MPP7: variants seen among roughly 807,000 people sequenced by gnomAD.
MPP7 encodes MAGUK p55 scaffold protein 7, also known as MAGUK p55 subfamily member 7.
MPP7 carries 60 observed loss-of-function variants against 76.5 expected under a neutral mutation model. The observed-to-expected ratio is 0.78, with a 90% CI of 0.64 to 0.97. MPP7 has a LOEUF of 0.97. Among genes scored for constraint, MPP7 ranks in the 50% least tolerant of loss-of-function variants. The pLI is 0.00. For synonymous variants in MPP7, 237 were observed against 244.5 expected, an observed-to-expected ratio of 0.97 and a Z score of 0.29; for missense variants, 641 against 694.0, an observed-to-expected ratio of 0.92 and a Z score of 0.86.
At chr10:28,279,078 T>G (rs983590459) in intron 1 of MPP7, among the ~76,000 whole-genome samples, 2 of 152,028 alleles carry the variant, frequency 1.3e-5, no homozygotes, top group Non-Finnish European at 2.9e-5. Context: ...GAAATAGAAA[T>G]GGCATAATTA....
At position 28,279,027 on chromosome 10, in the gene MPP7, A is replaced by G. The variant is rs146711983; in HGVS notation, c.-132+23834T>C. On this transcript the variant is annotated intron_variant, in intron 1 of 16. Transcript: ENST00000683449. ...AATAACTCCAGGGTGAACAGGGTGA[A>G]GCAAGCAGTCAATCTCTATTTTGGA... Among the ~76,000 whole-genome samples the G allele has an allele frequency of 8.9e-4, 135 of 152,200 alleles. 1 individual carries two copies. Among genetic ancestry groups the G allele is most frequent in the African/African-American group, 3.0e-3 (125 of 41,448 alleles).
At chr10:28,110,635 A>G (rs1834477491) in intron 11 of MPP7, among the ~76,000 whole-genome samples, 1 of 152,198 alleles carries the variant, frequency 6.6e-6, no homozygotes, top group East Asian at 1.9e-4. Flanking sequence ...TAAAGTAAGC[A>G]ATGTGCTAGT....
intron 3 of MPP7, among the ~76,000 whole-genome samples, chr10:28,174,950 G>C (rs962287638): frequency 1.3e-5 from 2 of 152,192 alleles, no homozygotes; most frequent in African/African-American, 4.8e-5. Context: ...TTGAGCAAGA[G>C]AAGAAAGACA....
chr10:28,294,962 C>T (rs776836294), intron 1 of MPP7, among the ~76,000 whole-genome samples: 21 of 135,712 alleles, frequency 1.5e-4, no homozygotes, highest in Non-Finnish European at 3.1e-4. Flanking sequence ...ACTACACTTA[C>T]GTTTCCCCCT....
chr10:28,314,461 G>C (rs1196688975), intron 2 of MPP7, among the ~76,000 whole-genome samples: 1 of 152,232 alleles, frequency 6.6e-6, no homozygotes, highest in African/African-American at 2.4e-5. Flanking sequence ...CCGCCTCCTG[G>C]AGTGGGCTTG....
rs533408577 is a variant in MPP7 at position 28,097,270 on chromosome 10, C to T, written c.953-7429G>A. ...GTACTAGGTTTACAGGCATGAGCCA[C>T]CATACCTCGCCTTTCATTCTCTTTT... On this transcript the variant is annotated intron_variant, in intron 11 of 16. Transcript: ENST00000683449. Among the ~76,000 whole-genome samples the T allele has an allele frequency of 3.9e-4, 60 of 152,276 alleles. 1 individual carries two copies. Among genetic ancestry groups the T allele is most frequent in the Non-Finnish European group, 2.9e-4 (20 of 68,022 alleles).
chr10:28,254,107 G>A (rs1839711122), intron 1 of MPP7, among the ~76,000 whole-genome samples: 1 of 150,680 alleles, frequency 6.6e-6, no homozygotes, highest in African/African-American at 2.4e-5. Flanking sequence ...TAACAAAATG[G>A]GACAATGTTT....
intron 3 of MPP7, among the ~76,000 whole-genome samples, chr10:28,186,360 GAGAA>G (rs1021113736): frequency 3.6e-4 from 50 of 140,520 alleles, no homozygotes; most frequent in South Asian, 2.9e-3. Context: ...AAAAAAAAAA[GAGAA>G]AGAAAGAGAG....
chr10:28,282,384 G>C (rs1277019381), intron 1 of MPP7, among the ~76,000 whole-genome samples: 1 of 152,070 alleles, frequency 6.6e-6, no homozygotes, highest in Non-Finnish European at 1.5e-5. Flanking sequence ...GCTGGCTTTG[G>C]AGGAAGAGCG....
At chr10:28,055,113 C>A (rs1851506829) in intron 16 of MPP7, among the ~76,000 whole-genome samples, 1 of 152,136 alleles carries the variant, frequency 6.6e-6, no homozygotes, top group African/African-American at 2.4e-5. Context: ...AATATGTGAT[C>A]CTTTCTTATC....
chr10:28,250,039 A>C (rs183756764), intron 1 of MPP7, among the ~76,000 whole-genome samples: 22 of 152,276 alleles, frequency 1.4e-4, no homozygotes, highest in Admixed American at 8.5e-4. Flanking sequence ...TGTAGAAAGA[A>C]ACTATTATAT....
Position 28,052,582 on chromosome 10 carries a change from G to A in MPP7, c.*1483C>T, listed in dbSNP as rs1851398546. On this transcript the variant is annotated 3_prime_UTR_variant, in exon 17 of 17. Transcript: ENST00000683449. The stretch of plus-strand genomic sequence containing the variant: ...CTTTGTAAAGCTCAAATATTTACAT[G>A]GAATGTTGACCATGATTTATAAAAC... The A allele has an allele frequency of 6.6e-6, 1 of 152,506 alleles. No individual in the cohort carries two copies. Among genetic ancestry groups the A allele is most frequent in the African/African-American group, 2.4e-5 (1 of 41,398 alleles). 9.4% of individuals were successfully genotyped at this position (152,506 alleles called of 1,614,324 possible).
intron 1 of MPP7, among the ~76,000 whole-genome samples, chr10:28,244,392 G>C (rs998917417): frequency 1.3e-5 from 2 of 152,018 alleles, no homozygotes; most frequent in Admixed American, 6.6e-5. Context: ...AAGTATCTCA[G>C]ACTCGTCACT....
chr10:28,328,237 T>C (rs1834436796), intron 2 of MPP7, among the ~76,000 whole-genome samples: 1 of 152,194 alleles, frequency 6.6e-6, no homozygotes, highest in African/African-American at 2.4e-5. Context: ...AATGTTCAAA[T>C]TCACACCTTA....
At chr10:28,191,618 C>T (rs1837412687) in intron 3 of MPP7, among the ~76,000 whole-genome samples, 1 of 152,170 alleles carries the variant, frequency 6.6e-6, no homozygotes, top group Non-Finnish European at 1.5e-5. Flanking sequence ...TAAAAATCTG[C>T]AAATGTCCCA....
chr10:28,233,671 C>G (rs1344664425), intron 2 of MPP7, among the ~76,000 whole-genome samples: 1 of 148,620 alleles, frequency 6.7e-6, no homozygotes, highest in African/African-American at 2.5e-5. Context: ...TGAGCCTAGA[C>G]AGCGCCACTG....
At chr10:28,244,299 GT>G (rs1438070752) in intron 1 of MPP7, among the ~76,000 whole-genome samples, 2 of 152,008 alleles carry the variant, frequency 1.3e-5, no homozygotes, top group Non-Finnish European at 2.9e-5. Context: ...AATCTATTTT[GT>G]TTTGTTGTGC....
intron 13 of MPP7, among the ~76,000 whole-genome samples, chr10:28,061,283 C>T (rs192938399): frequency 1.3e-5 from 2 of 151,652 alleles, no homozygotes; most frequent in Non-Finnish European, 2.9e-5. Context: ...CATAACTAAG[C>T]TTGAAAAGGT....
chr10:28,257,782 G>T (rs1023080656), intron 1 of MPP7, among the ~76,000 whole-genome samples: 4 of 150,746 alleles, frequency 2.7e-5, no homozygotes, highest in African/African-American at 9.8e-5. Flanking sequence ...TTGTTTCCAT[G>T]AACGTAACTC....
Sources: allele counts gnomAD v4.1 joint callset (sites outside exome capture counted in the v4.1 genomes callset), GRCh38; gene constraint gnomAD v4.1.1; transcripts MANE v1.5; gene names NCBI Gene and HGNC (gene_info 2026-07-23, HGNC 2026-07-21).